The following FER variants were observed in gnomAD, a reference collection of about 807,000 sequenced individuals.
The protein encoded by FER is tyrosine-protein kinase Fer.
In FER, 63 loss-of-function variants were observed where a neutral mutation model predicts 111.0. That is an observed-to-expected ratio of 0.57 (90% CI 0.46 to 0.70). FER has a LOEUF of 0.70. FER is among the 30% of genes least tolerant of loss of function. FER has a pLI of 0.00. For missense variants in FER, 914 were observed against 954.0 expected (o/e 0.96, Z 0.55); for synonymous variants, 327 against 313.9 (o/e 1.04, Z -0.44).
chr5:108,824,864 A>G (rs1376721098), intron 3 of FER, among the ~76,000 whole-genome samples: 1 of 152,136 alleles, frequency 6.6e-6, no homozygotes, highest in Non-Finnish European at 1.5e-5. Flanking sequence ...GGCTTGAGAA[A>G]TAAAAGGACA....
chr5:109,171,298 G>C (rs941272331), intron 17 of FER, among the ~76,000 whole-genome samples: 2 of 152,072 alleles, frequency 1.3e-5, no homozygotes, highest in Non-Finnish European at 2.9e-5. Flanking sequence ...GGAAAATATG[G>C]AACACATAAG....
rs536708290 is a variant in FER, at chr5:108,870,905, C to G, written c.666-460C>G. Among the ~76,000 whole-genome samples the G allele has an allele frequency of 7.9e-5, 12 of 152,064 alleles. No individual in the cohort carries two copies. The South Asian group carries it at 2.5e-3, about 32-fold the overall frequency. Reference sequence around the variant, plus strand: ...CATTCAAGGTATAGAACCAGTTCAACTAAGTATACAAAAAAGAGCAGAGGC... The same window carrying G: ...CATTCAAGGTATAGAACCAGTTCAAGTAAGTATACAAAAAAGAGCAGAGGC... On this transcript the variant is annotated intron_variant, in intron 6 of 19. Transcript: ENST00000281092.
At chr5:108,969,333 G>C (rs1345835045) in intron 13 of FER, among the ~76,000 whole-genome samples, 3 of 152,104 alleles carry the variant, frequency 2.0e-5, no homozygotes, top group Admixed American at 6.6e-5. Context: ...ATCCAGTGGA[G>C]TACTGTGAAT....
At chr5:108,775,647 A>G (rs1038189699) in intron 2 of FER, among the ~76,000 whole-genome samples, 16 of 152,254 alleles carry the variant, frequency 1.1e-4, no homozygotes, top group East Asian at 1.9e-4. Context: ...TGTTGCTCCA[A>G]TAGGCTGGCC....
chr5:108,874,936 T>C (rs958904746), intron 8 of FER, among the ~76,000 whole-genome samples: 4 of 152,166 alleles, frequency 2.6e-5, no homozygotes, highest in African/African-American at 9.6e-5. Flanking sequence ...AAAATGTTGC[T>C]ACATATGTAA....
At chr5:108,840,773 A>T (rs1264530984) in intron 5 of FER, among the ~76,000 whole-genome samples, 1 of 151,942 alleles carries the variant, frequency 6.6e-6, no homozygotes, top group Non-Finnish European at 1.5e-5. Context: ...GGCTTGTCTT[A>T]CTCTTAGTGC....
chr5:109,052,380 C>T (rs1258772605), intron 16 of FER: 2 of 1,568,954 alleles, frequency 1.3e-6, no homozygotes, highest in Non-Finnish European at 1.8e-6. Flanking sequence ...AAAGTACTGA[C>T]AGCCACACCT....
chr5:109,102,736 C>G (rs957820984), intron 17 of FER, among the ~76,000 whole-genome samples: 4 of 152,088 alleles, frequency 2.6e-5, no homozygotes, highest in South Asian at 2.1e-4. Context: ...TATCTCCCAA[C>G]TAGTGGTCCT....
At chr5:108,933,277 G>C (rs141092247) in intron 10 of FER, among the ~76,000 whole-genome samples, 2,423 of 152,266 alleles carry the variant, frequency 0.016, 55 homozygotes, top group African/African-American at 0.056. Flanking sequence ...TTAATAAGGT[G>C]TGAGGAAGGG....
chr5:109,043,790 C>G (rs1188787680), intron 14 of FER, among the ~76,000 whole-genome samples: 5 of 151,846 alleles, frequency 3.3e-5, no homozygotes, highest in African/African-American at 1.2e-4. Context: ...GGCCAACATG[C>G]TGAAACCCCA....
chr5:108,966,306 A>T (rs536343168), intron 13 of FER, among the ~76,000 whole-genome samples: 1 of 151,770 alleles, frequency 6.6e-6, no homozygotes, highest in South Asian at 2.1e-4. Context: ...GAAAGGCAGG[A>T]TTTGATATTT....
intron 1 of FER, among the ~76,000 whole-genome samples, chr5:108,760,726 A>G (rs1751638851): frequency 6.6e-6 from 1 of 152,204 alleles, no homozygotes; most frequent in African/African-American, 2.4e-5. Context: ...GTTCTGGGTT[A>G]GGCCTTGGCT....
At chr5:108,897,923 A>T in intron 10 of FER, 75 bp downstream of exon 10, 1 of 1,287,166 alleles carries the variant, frequency 7.8e-7, no homozygotes, top group East Asian at 2.6e-5. Flanking sequence ...AAAATTATTT[A>T]AATTTGCTAT....
intron 3 of FER, among the ~76,000 whole-genome samples, chr5:108,826,012 T>A (rs909298390): frequency 1.3e-5 from 2 of 152,176 alleles, no homozygotes; most frequent in African/African-American, 4.8e-5. Flanking sequence ...TTTTTCCGAT[T>A]TTAGAGGAAA....
chr5:109,177,281 T>C (rs1221411224), intron 17 of FER, among the ~76,000 whole-genome samples: 1 of 152,100 alleles, frequency 6.6e-6, no homozygotes, highest in Non-Finnish European at 1.5e-5. Flanking sequence ...TAATCCTCAC[T>C]CCCTGGGTTG....
At chr5:108,926,748 C>G (rs1156806495) in intron 10 of FER, among the ~76,000 whole-genome samples, 1 of 152,144 alleles carries the variant, frequency 6.6e-6, no homozygotes, top group Non-Finnish European at 1.5e-5. Flanking sequence ...TCACACATAC[C>G]TGAATTGATC....
At position 108,809,276 on chromosome 5, in the gene FER, G is replaced by A. The variant is rs116689668; in HGVS notation, c.207+10887G>A. ...TACCTAATCCCGTATTTCTCAGAGAGTTTGTTTATTTTAAAAAATTCTTTT... is the reference window on the plus strand; with the variant it reads ...TACCTAATCCCGTATTTCTCAGAGAATTTGTTTATTTTAAAAAATTCTTTT... On this transcript the variant is annotated intron_variant, in intron 3 of 19. Coordinates refer to ENST00000281092, the MANE Select transcript of FER (RefSeq NM_005246.4). 6.1e-3 allele frequency among the ~76,000 whole-genome samples: 936 copies of A among 152,250 alleles called. 13 individuals carry two copies. The highest frequency in any genetic ancestry group is 0.022 in the African/African-American group (902 of 41,568).
chr5:109,113,706 A>G (rs1749900718), intron 17 of FER, among the ~76,000 whole-genome samples: 1 of 152,182 alleles, frequency 6.6e-6, no homozygotes, highest in African/African-American at 2.4e-5. Context: ...GGCGCATAGT[A>G]TGGCTGAGTA....
At chr5:108,857,374 G>T (rs1471472527) in intron 5 of FER, among the ~76,000 whole-genome samples, 1 of 152,054 alleles carries the variant, frequency 6.6e-6, no homozygotes, top group Non-Finnish European at 1.5e-5. Flanking sequence ...CCATAGAAAT[G>T]ATGTTCTGTT....
Sources: gnomAD v4.1 joint callset for allele counts (sites outside exome capture counted in the v4.1 genomes callset) on GRCh38, gnomAD v4.1.1 for gene constraint, MANE v1.5 for transcripts, NCBI Gene and HGNC (gene_info 2026-07-23, HGNC 2026-07-21) for gene names.